LYPD6B: variants seen among roughly 807,000 people sequenced by gnomAD.
LYPD6B encodes the protein ly6/PLAUR domain-containing protein 6B.
Under a neutral mutation model 22.8 loss-of-function variants are expected in LYPD6B, and 17 were observed. That is an observed-to-expected ratio of 0.75 (90% confidence interval 0.51 to 1.12). The LOEUF is 1.12. Ranked by LOEUF, LYPD6B falls within the 50% of genes most tolerant of loss-of-function variation. The probability of loss-of-function intolerance (pLI) is 0.00; values close to 1 mark genes in which losing one functional copy is unlikely to be tolerated. For synonymous variants in LYPD6B, 106 were observed against 91.6 expected, an observed-to-expected ratio of 1.16 and a Z score of -0.90; for missense variants, 221 against 258.3, an observed-to-expected ratio of 0.86 and a Z score of 0.99.
intron 3 of LYPD6B, among the ~76,000 whole-genome samples, chr2:149,173,275 C>A (rs1690984208): frequency 1.4e-5 from 2 of 140,190 alleles, no homozygotes; most frequent in Non-Finnish European, 3.1e-5. Flanking sequence ...TTTGCCCGTT[C>A]TGTTGATTAT....
chr2:149,152,007 C>T (rs436402), intron 2 of LYPD6B, among the ~76,000 whole-genome samples: 56,371 of 151,964 alleles, frequency 0.37, 11,275 homozygotes, highest in African/African-American at 0.52. Flanking sequence ...CCTCACTCTC[C>T]GACATTTGCT....
intron 2 of LYPD6B, among the ~76,000 whole-genome samples, chr2:149,138,743 A>G (rs1441836667): frequency 6.6e-6 from 1 of 152,086 alleles, no homozygotes; most frequent in Non-Finnish European, 1.5e-5. Context: ...GCCTTGCTAT[A>G]TTACCCAGGC....
intron 2 of LYPD6B, chr2:149,143,868 AAAC>A (rs1249495285): frequency 6.6e-6 from 1 of 152,208 alleles, no homozygotes; most frequent in African/African-American, 2.4e-5. Context: ...GAAACTGAAA[AAAC>A]AACCTGAAAG....
intron 5 of LYPD6B, among the ~76,000 whole-genome samples, chr2:149,212,380 C>CAAAAAAAAAAAAA (rs386391473): frequency 4.3e-4 from 26 of 60,130 alleles, no homozygotes; most frequent in African/African-American, 9.0e-4. Flanking sequence ...GACTCCGTCT[C>CAAAAAAAAAAAAA]AAAAAAAAAA....
intron 1 of LYPD6B, among the ~76,000 whole-genome samples, chr2:149,065,175 T>G (rs1398977628): frequency 2.0e-5 from 3 of 152,190 alleles, no homozygotes; most frequent in Non-Finnish European, 4.4e-5. Flanking sequence ...AGATACTGAA[T>G]TCATGGACTA....
intron 1 of LYPD6B, among the ~76,000 whole-genome samples, chr2:149,104,125 A>G (rs1686352083): frequency 6.6e-6 from 1 of 152,102 alleles, no homozygotes; most frequent in Admixed American, 6.6e-5. Context: ...TTGTATCGTT[A>G]TGCCCACAAT....
chr2:149,194,360 G>A (rs1692672606), intron 3 of LYPD6B, among the ~76,000 whole-genome samples: 4 of 152,212 alleles, frequency 2.6e-5, no homozygotes, highest in African/African-American at 7.2e-5. Flanking sequence ...GGTGTTTCTA[G>A]CCTAGATTCA....
intron 3 of LYPD6B, among the ~76,000 whole-genome samples, chr2:149,189,179 C>A (rs1392451611): frequency 6.6e-6 from 1 of 151,782 alleles, no homozygotes; most frequent in Admixed American, 6.6e-5. Context: ...CTTGCCTACT[C>A]AGCAGCCTGA....
intron 5 of LYPD6B, among the ~76,000 whole-genome samples, chr2:149,208,747 T>G (rs1693660946): frequency 6.6e-6 from 1 of 152,208 alleles, no homozygotes; most frequent in Non-Finnish European, 1.5e-5. Flanking sequence ...ACATTGATAT[T>G]TGGGAAACTC....
rs1234165163 is a variant in LYPD6B, at chr2:149,199,397, TTACC to T, written c.78-5855_78-5852del. Among the ~76,000 whole-genome samples, 482 of 152,334 alleles carry T rather than the reference TTACC, an allele frequency of 3.2e-3. 2 individuals are homozygous for T. The highest frequency in any genetic ancestry group is 0.011 in the African/African-American group (459 of 41,576). ...TGTATTAATTCTTGTCAGTCACATC[TTACC>T]AGTGGCTCATATTGACTTTTGGTCC... On this transcript the variant is annotated intron_variant, in intron 3 of 6. Transcript: ENST00000409642.
chr2:149,158,238 G>A (rs750778257), intron 2 of LYPD6B, among the ~76,000 whole-genome samples: 20 of 151,936 alleles, frequency 1.3e-4, no homozygotes, highest in Non-Finnish European at 2.5e-4. Context: ...TTTTCACACC[G>A]TAAGTACTCT....
At chr2:149,112,441 C>T (rs889003121) in intron 1 of LYPD6B, among the ~76,000 whole-genome samples, 1 of 151,758 alleles carries the variant, frequency 6.6e-6, no homozygotes, top group African/African-American at 2.4e-5. Flanking sequence ...TTAGGTTAAA[C>T]AAACAAAAAG....
chr2:149,110,234 A>C (rs1197267320), intron 1 of LYPD6B, among the ~76,000 whole-genome samples: 4 of 152,132 alleles, frequency 2.6e-5, no homozygotes, highest in Admixed American at 2.6e-4. Flanking sequence ...ACTTTTCAAA[A>C]TATAGGGAGT....
intron 3 of LYPD6B, among the ~76,000 whole-genome samples, chr2:149,177,741 A>G (rs748644003): frequency 1.3e-5 from 2 of 151,946 alleles, no homozygotes; most frequent in African/African-American, 4.8e-5. Flanking sequence ...TGTTTATAGG[A>G]CTGATGGTGG....
At chr2:149,157,053 G>A (rs544234786) in intron 2 of LYPD6B, among the ~76,000 whole-genome samples, 5 of 152,112 alleles carry the variant, frequency 3.3e-5, no homozygotes, top group Non-Finnish European at 7.4e-5. Context: ...TATCCAGAAT[G>A]TGTATTACTG....
chr2:149,165,598 A>G (rs1222362035), intron 3 of LYPD6B, among the ~76,000 whole-genome samples: 1 of 152,176 alleles, frequency 6.6e-6, no homozygotes, highest in East Asian at 1.9e-4. Flanking sequence ...TCCTTTAGAT[A>G]TCATAACTCA....
intron 3 of LYPD6B, among the ~76,000 whole-genome samples, chr2:149,164,670 G>A (rs1690305558): frequency 1.3e-5 from 2 of 152,220 alleles, no homozygotes; most frequent in Non-Finnish European, 2.9e-5. Flanking sequence ...CCTTGGTGCT[G>A]AAAGCTTGCC....
intron 1 of LYPD6B, among the ~76,000 whole-genome samples, chr2:149,055,060 A>G (rs1431263561): frequency 6.6e-6 from 1 of 152,150 alleles, no homozygotes; most frequent in Non-Finnish European, 1.5e-5. Flanking sequence ...TTTTTAGTCA[A>G]TTCTGTATAG....
intron 1 of LYPD6B, among the ~76,000 whole-genome samples, chr2:149,071,031 G>T (rs1484483612): frequency 6.6e-6 from 1 of 152,170 alleles, no homozygotes; most frequent in East Asian, 1.9e-4. Context: ...TTCCACACCC[G>T]GCATTAGTAG....
Sources: allele counts gnomAD v4.1 joint callset (sites outside exome capture counted in the v4.1 genomes callset), GRCh38; gene constraint gnomAD v4.1.1; transcripts MANE v1.5; gene names NCBI Gene and HGNC (gene_info 2026-07-23, HGNC 2026-07-21).